PLEKHM2: variants seen among roughly 807,000 people sequenced by gnomAD.
The protein encoded by PLEKHM2 is pleckstrin homology and RUN domain containing M2, also known as pleckstrin homology domain-containing family M member 2.
In PLEKHM2, 77 loss-of-function variants were observed where a neutral mutation model predicts 116.3. The ratio of observed to expected loss-of-function variants is 0.66; its 90% CI spans 0.55 to 0.80. The LOEUF (loss-of-function observed/expected upper bound fraction) is 0.80, where lower values mean the gene tolerates loss of function less well. Ranked by LOEUF, PLEKHM2 falls within the 30% of genes least tolerant of loss-of-function variation. PLEKHM2 has a pLI of 0.00. For synonymous variants in PLEKHM2, 562 were observed against 571.0 expected, an observed-to-expected ratio of 0.98 and a Z score of 0.22; for missense variants, 1,183 against 1,354.9, an observed-to-expected ratio of 0.87 and a Z score of 1.99.
At chr1:15,716,105 G>A (rs958967505) in intron 1 of PLEKHM2, 132 bp from the exon 2 acceptor site, 6 of 616,980 alleles carry the variant, frequency 9.7e-6, no homozygotes, top group South Asian at 1.9e-5. Context: ...GGTGGTTTGA[G>A]GTAGACGTCT....
Position 15,727,601 on chromosome 1 carries a change from A to G in PLEKHM2, c.1529A>G (p.Glu510Gly). 2.5e-6 allele frequency: 4 copies of G among 1,582,932 alleles called. No homozygotes were observed. Among genetic ancestry groups the G allele is most frequent in the Non-Finnish European group, 3.4e-6 (4 of 1,165,360 alleles). ...AGQEEEGGGGEGQTPRPLEDT... is the reference protein window; with the variant it reads ...AGQEEEGGGGGGQTPRPLEDT... Reference sequence around the variant, plus strand: ...CAAGAAGAAGAGGGAGGAGGAGGAGAGGGACAGACGCCTCGGCCCCTAGAG... The same window carrying G: ...CAAGAAGAAGAGGGAGGAGGAGGAGGGGGACAGACGCCTCGGCCCCTAGAG... The change falls in exon 9 of 20, where the codon GAG (glutamate) becomes GGG (glycine). Residue 510 changes from glutamate to glycine, a missense_variant. This residue lies in a region of PLEKHM2 where 594 missense variants were observed against 720.1 expected (regional missense o/e 0.82). Transcript: ENST00000375799. This position sits in a 1 kb window ranked among gnomAD's most constrained non-coding sequence, Gnocchi z 7.5.
In PLEKHM2 at chr1:15,728,149, G is replaced by T; in HGVS notation, c.1830+1G>T. The stretch of plus-strand genomic sequence containing the variant: ...AGAAAACGAAGAGCAGCTGTTCAAA[G>T]TAAGTCCTAGGAACTCAGGAGTGAG... On this transcript the variant is annotated splice_donor_variant, in intron 10 of 19. Coordinates refer to ENST00000375799, the MANE Select transcript of PLEKHM2 (RefSeq NM_015164.4). LOFTEE classifies it high-confidence loss of function. The surrounding 1 kb of genome is among the most constrained non-coding windows in gnomAD (Gnocchi z 5.9). The T allele has an allele frequency of 6.2e-7, 1 of 1,610,590 alleles. No individual in the cohort carries two copies. The highest frequency in any genetic ancestry group is 8.5e-7 in the Non-Finnish European group (1 of 1,178,210).
chr1:15,726,899 C>T, intron 8 of PLEKHM2, 115 bp from the exon 9 acceptor site: 2 of 661,140 alleles, frequency 3.0e-6, no homozygotes, highest in Admixed American at 3.2e-5. Flanking sequence ...ACCACTGACG[C>T]ACTAGCTGTG....
upstream of PLEKHM2, among the ~76,000 whole-genome samples, chr1:15,682,376 G>GGGA (rs1461847169): frequency 1.3e-5 from 2 of 151,462 alleles, no homozygotes; most frequent in Non-Finnish European, 2.9e-5. Context: ...ACTTGAACCT[G>GGGA]GGAGGAGGAA....
chr1:15,690,238 G>T (rs1640863770), intron 1 of PLEKHM2, among the ~76,000 whole-genome samples: 2 of 151,718 alleles, frequency 1.3e-5, no homozygotes, highest in African/African-American at 2.4e-5. Flanking sequence ...GCTAATTTTT[G>T]TATTTTTAGT....
rs1284737669 is a variant in PLEKHM2, at chr1:15,732,788, CG to C, written c.2922+64del. 5 of 1,148,134 alleles carry C rather than the reference CG, an allele frequency of 4.4e-6. No individual in the cohort carries two copies. In the East Asian group the frequency reaches 1.3e-4, roughly 29 times the overall value. The allele number at this position is 1,148,134 out of a possible 1,614,324, so 71.1% of individuals were successfully genotyped here. A position where few individuals can be genotyped will look rare whatever the true frequency, so the allele number is the denominator to read the frequency against. ...ACCCTGTGGAGTGGGAGCCACTCCC[CG>C]GGGAGAGGAACCCCTGCTGCTCCCA... On this transcript the variant is annotated intron_variant, in intron 19 of 19. Coordinates refer to ENST00000375799, the MANE Select transcript of PLEKHM2 (RefSeq NM_015164.4).
rs772786969 is a variant in PLEKHM2 at position 15,684,646 on chromosome 1, G to A, written c.60+28G>A. The A allele has an allele frequency of 5.7e-6, 7 of 1,228,242 alleles. No homozygotes were observed. In the East Asian group the frequency reaches 2.1e-4, roughly 36 times the overall value. The allele number at this position is 1,228,242 out of a possible 1,614,324, so 76.1% of individuals were successfully genotyped here. On this transcript the variant is annotated intron_variant, in intron 1 of 19. Coordinates refer to ENST00000375799, the MANE Select transcript of PLEKHM2 (RefSeq NM_015164.4). ...GAGCGCGGCCTCCCTCCCGGCCGGG[G>A]CCCCTTCCTCGCCGCGCCCCCCACG...
At position 15,718,571 on chromosome 1, in the gene PLEKHM2, G is replaced by A. The variant is rs894960452; in HGVS notation, c.411G>A (p.Thr137=). ...TGGTCTGCAGCCACGATCACCTGAC[G>A]CTCTTCCTGACCTTGGTGTCCGGGC... ...NALVCSHDHL[T]LFLTLVSGLE... The change falls in exon 5 of 20, where the codon ACG becomes ACA. Residue 137 remains threonine (T), a synonymous_variant. Coordinates refer to ENST00000375799, the MANE Select transcript of PLEKHM2 (RefSeq NM_015164.4). The A allele has an allele frequency of 8.9e-6, 14 of 1,579,688 alleles. No individual in the cohort carries two copies. The highest frequency in any genetic ancestry group is 6.7e-5 in the African/African-American group (5 of 74,416).
intron 1 of PLEKHM2, among the ~76,000 whole-genome samples, chr1:15,707,592 A>C (rs917342001): frequency 1.3e-5 from 2 of 152,228 alleles, no homozygotes; most frequent in African/African-American, 4.8e-5. Context: ...GCCTTTCCCC[A>C]AAATCCACAT....
chr1:15,684,568 G>C lies in PLEKHM2; in HGVS notation c.10G>C (p.Gly4Arg). The change falls in exon 1 of 20, where the codon GGG becomes CGG. Residue 4 changes from glycine (G) to arginine (R), a missense_variant. Physicochemically the swap from Gly to Arg is moderately radical, Grantham distance 125 (BLOSUM62 -2). Transcript: ENST00000375799. The part of the protein sequence containing the change: MEP[G>R]EVKDRILENI... ...CGACGGTGGCAGCGCCATGGAGCCG[G>C]GGGAGGTGAAGGACCGGATCCTGGA... 6.9e-6 allele frequency: 9 copies of C among 1,296,168 alleles called. No homozygotes were observed. Among genetic ancestry groups the C allele is most frequent in the Non-Finnish European group, 8.9e-6 (9 of 1,007,132 alleles). 80.3% of individuals were successfully genotyped at this position (1,296,168 alleles called of 1,614,324 possible). A position where few individuals can be genotyped will look rare whatever the true frequency, so the allele number is the denominator to read the frequency against.
At chr1:15,683,310 A>G (rs558854653), upstream of PLEKHM2, among the ~76,000 whole-genome samples, 1 of 151,004 alleles carries the variant, frequency 6.6e-6, no homozygotes, top group African/African-American at 2.4e-5. Flanking sequence ...GGGTCTGCAC[A>G]TTGAGGGGGT....
chr1:15,700,496 A>C (rs1023938782), intron 1 of PLEKHM2, among the ~76,000 whole-genome samples: 1 of 152,032 alleles, frequency 6.6e-6, no homozygotes. Flanking sequence ...CTGCCTATAA[A>C]ATGAGGGTTG....
Position 15,684,570 on chromosome 1 carries a change from G to A in PLEKHM2, c.12G>A (p.Gly4=). 2 of 1,298,442 alleles carry A rather than the reference G, an allele frequency of 1.5e-6. No individual in the cohort carries two copies. Among genetic ancestry groups the A allele is most frequent in the Non-Finnish European group, 2.0e-6 (2 of 1,008,376 alleles). 80.4% of individuals were successfully genotyped at this position (1,298,442 alleles called of 1,614,324 possible). Residue 4 remains glycine (G), a synonymous_variant, in exon 1 of 20, where the codon GGG becomes GGA. Coordinates refer to ENST00000375799, the MANE Select transcript of PLEKHM2 (RefSeq NM_015164.4). The part of the protein sequence containing the change: MEP[G]EVKDRILENI... ...ACGGTGGCAGCGCCATGGAGCCGGG[G>A]GAGGTGAAGGACCGGATCCTGGAGA...
chr1:15,720,539 C>T, intron 6 of PLEKHM2: 1 of 941,888 alleles, frequency 1.1e-6, no homozygotes, highest in African/African-American at 1.8e-5. Context: ...TGGTTTCTTT[C>T]AAACCTTAGG....
At position 15,729,524 on chromosome 1, in the gene PLEKHM2, G is replaced by A. The variant is rs959088634; in HGVS notation, c.2076-273G>A. Among the ~76,000 whole-genome samples, 1 of 152,140 alleles carries A rather than the reference G, an allele frequency of 6.6e-6. No individual in the cohort carries two copies. ...CTTGTCGTGGCTCAAGGTCCCACCCGTTGACGTCCTGCCCACCCTCTTTGT... is the reference window on the plus strand; with the variant it reads ...CTTGTCGTGGCTCAAGGTCCCACCCATTGACGTCCTGCCCACCCTCTTTGT... On this transcript the variant is annotated intron_variant, in intron 13 of 19. Transcript: ENST00000375799. This position sits in a 1 kb window ranked among gnomAD's most constrained non-coding sequence, Gnocchi z 4.7.
chr1:15,720,356 G>T (rs1202164871), intron 6 of PLEKHM2: 4 of 985,238 alleles, frequency 4.1e-6, no homozygotes, highest in Non-Finnish European at 4.8e-6. Context: ...GAACCAGGCA[G>T]GTCTGAAGCG....
At chr1:15,694,924 GTT>G (rs1438772432) in intron 1 of PLEKHM2, among the ~76,000 whole-genome samples, 2 of 151,796 alleles carry the variant, frequency 1.3e-5, no homozygotes, top group Non-Finnish European at 2.9e-5. Flanking sequence ...TGTTGGGCTA[GTT>G]TTTGTATTTT....
intron 7 of PLEKHM2, among the ~76,000 whole-genome samples, chr1:15,724,626 T>C (rs1298858651): frequency 1.3e-5 from 2 of 152,296 alleles, no homozygotes; most frequent in Non-Finnish European, 1.5e-5. Flanking sequence ...TCTTTGCCCC[T>C]TCGCACCTTG....
chr1:15,689,262 G>A (rs866140285), intron 1 of PLEKHM2, among the ~76,000 whole-genome samples: 1,702 of 129,500 alleles, frequency 0.013, 54 homozygotes, highest in African/African-American at 0.053. Flanking sequence ...AAAAAAAAAA[G>A]AAAGAAAGAA....
Sources: gnomAD v4.1 joint callset for allele counts (sites outside exome capture counted in the v4.1 genomes callset) on GRCh38, gnomAD v4.1.1 for gene constraint, gnomAD v4.1.1 regional missense constraint, Gnocchi (gnomAD v3.1) non-coding constraint, MANE v1.5 for transcripts, NCBI Gene and HGNC (gene_info 2026-07-23, HGNC 2026-07-21) for gene names.